EPB41: variants seen among roughly 807,000 people sequenced by gnomAD.
The protein encoded by EPB41 is protein 4.1.
In EPB41, 65 loss-of-function variants were observed where a neutral mutation model predicts 108.0. That is an observed-to-expected ratio of 0.60 (90% confidence interval 0.49 to 0.74). The LOEUF (loss-of-function observed/expected upper bound fraction) is 0.74, where lower values mean the gene tolerates loss of function less well. EPB41 is among the 30% of genes least tolerant of loss of function. The pLI, the probability that EPB41 is intolerant of heterozygous loss-of-function variation, is 0.00. For synonymous variants in EPB41, 336 were observed against 358.9 expected (o/e 0.94, Z 0.72); for missense variants, 875 against 1,037.0 (o/e 0.84, Z 2.15).
intron 11 of EPB41, among the ~76,000 whole-genome samples, chr1:29,046,191 C>A (rs1468244781): frequency 6.6e-6 from 1 of 151,656 alleles, no homozygotes; most frequent in African/African-American, 2.4e-5. Flanking sequence ...GTGGCACTAT[C>A]TCGGCTCACT....
chr1:28,978,762 ACTT>A (rs1467185410), intron 1 of EPB41, among the ~76,000 whole-genome samples: 4 of 151,520 alleles, frequency 2.6e-5, no homozygotes, highest in East Asian at 1.9e-4. Context: ...GCTGGGACAG[ACTT>A]CTTCTGCTGT....
chr1:28,984,562 T>C (rs12021667), intron 1 of EPB41, among the ~76,000 whole-genome samples: 46,439 of 152,110 alleles, frequency 0.31, 8,871 homozygotes, highest in Non-Finnish European at 0.41. Context: ...ATCATGCATT[T>C]GAAGTAAATT....
At chr1:28,915,596 C>T (rs1051455954) in intron 1 of EPB41, among the ~76,000 whole-genome samples, 3 of 152,094 alleles carry the variant, frequency 2.0e-5, no homozygotes, top group African/African-American at 7.2e-5. Context: ...CACATGATAG[C>T]GACTGTCATC....
chr1:29,067,495 C>CAAA (rs71022390), intron 16 of EPB41, among the ~76,000 whole-genome samples: 1 of 25,614 alleles, frequency 3.9e-5, no homozygotes, highest in African/African-American at 1.8e-4. Flanking sequence ...GACTCTGTCT[C>CAAA]AAAAAAAAAA....
intron 1 of EPB41, among the ~76,000 whole-genome samples, chr1:28,983,253 T>A (rs967400927): frequency 6.6e-6 from 1 of 152,248 alleles, no homozygotes; most frequent in African/African-American, 2.4e-5. Context: ...TTTGTTTCAT[T>A]CATTAATTAA....
At chr1:28,989,459 A>C (rs1029763558) in intron 2 of EPB41, 2 of 921,050 alleles carry the variant, frequency 2.2e-6, no homozygotes, top group South Asian at 1.0e-4. Context: ...GAACTCTGAC[A>C]GTGTTGGGGG....
intron 11 of EPB41, among the ~76,000 whole-genome samples, chr1:29,050,429 A>G (rs1439773351): frequency 1.3e-5 from 2 of 152,392 alleles, no homozygotes; most frequent in East Asian, 1.9e-4. Context: ...GATGCCAGGC[A>G]TAGTTGAATT....
chr1:28,900,206 A>T (rs2091129838), intron 1 of EPB41, among the ~76,000 whole-genome samples: 1 of 152,182 alleles, frequency 6.6e-6, no homozygotes, highest in Non-Finnish European at 1.5e-5. Context: ...TTCCACAGAT[A>T]GGCCAGAGAC....
At position 28,903,322 on chromosome 1, in the gene EPB41, C is replaced by CTTTT. The variant is rs1469847584; in HGVS notation, c.-8+16115_-8+16116insTTTT. On this transcript the variant is annotated intron_variant, in intron 1 of 16. Coordinates refer to the EPB41 transcript ENST00000347529. The stretch of plus-strand genomic sequence containing the variant: ...CTGAGACTCTATTTCTTTTTCTTTT[C>CTTTT]TTTCTTTTTTTTTTTTTTTTGAGCT... 1.7e-4 allele frequency among the ~76,000 whole-genome samples: 25 copies of CTTTT among 144,404 alleles called. 1 individual carries two copies. Among genetic ancestry groups the CTTTT allele is most frequent in the African/African-American group, 4.8e-4 (18 of 37,546 alleles). The allele number at this position is 144,404 out of a possible 152,430, so 94.7% of individuals were successfully genotyped here. A position where few individuals can be genotyped will look rare whatever the true frequency, so the allele number is the denominator to read the frequency against.
chr1:29,015,627 GA>G, intron 5 of EPB41, 64 bp from the exon 6 acceptor site: 1 of 916,042 alleles, frequency 1.1e-6, no homozygotes, highest in Non-Finnish European at 1.8e-6. Flanking sequence ...TGAATATTTT[GA>G]GGTACTTCCA....
intron 16 of EPB41, chr1:29,068,793 C>G: frequency 1.6e-6 from 2 of 1,232,100 alleles, no homozygotes; most frequent in Non-Finnish European, 2.0e-6. Flanking sequence ...GGTAAAGCTG[C>G]TGTTATGACT....
chr1:29,010,103 G>A lies in EPB41; in HGVS notation c.787-1762G>A, dbSNP rs573940619. Among the ~76,000 whole-genome samples the A allele has an allele frequency of 7.2e-3, 1,099 of 152,172 alleles. 12 individuals are homozygous for A. Among genetic ancestry groups the A allele is most frequent in the African/African-American group, 0.026 (1,067 of 41,508 alleles). On this transcript the variant is annotated intron_variant, in intron 4 of 20. Coordinates refer to ENST00000343067, the MANE Select transcript of EPB41 (RefSeq NM_001376013.1). ...TGTAATCTCAGCACTTTGGGAGGCC[G>A]AGGTGGGCAGATCACTTGAGGCCAG...
chr1:28,921,895 G>GT (rs1221446955), intron 1 of EPB41, among the ~76,000 whole-genome samples: 1 of 134,670 alleles, frequency 7.4e-6, no homozygotes, highest in Non-Finnish European at 1.5e-5. Flanking sequence ...ATACTTTGTG[G>GT]TTTTTCCAGT....
chr1:28,968,969 A>ACCC (rs1243487289), intron 1 of EPB41, among the ~76,000 whole-genome samples: 1 of 114,378 alleles, frequency 8.7e-6, no homozygotes, highest in Admixed American at 8.7e-5. Context: ...TGCCTCCAAA[A>ACCC]CCCCCCACCC....
chr1:28,934,617 A>G (rs1408958442), intron 1 of EPB41, among the ~76,000 whole-genome samples: 5 of 149,526 alleles, frequency 3.3e-5, no homozygotes, highest in African/African-American at 1.2e-4. Flanking sequence ...AAATTGTTCC[A>G]GCTTTGGCCA....
At chr1:29,047,285 G>C (rs7548960) in intron 11 of EPB41, among the ~76,000 whole-genome samples, 15,008 of 124,994 alleles carry the variant, frequency 0.12, 1,146 homozygotes, top group African/African-American at 0.26. Flanking sequence ...GAGAGTCTTA[G>C]CTCTCTCAGG....
intron 17 of EPB41, among the ~76,000 whole-genome samples, chr1:29,103,340 C>G (rs964155991): frequency 3.9e-5 from 6 of 152,188 alleles, no homozygotes; most frequent in Non-Finnish European, 1.5e-5. Context: ...TTTAAAATAT[C>G]CTGACATATT....
chr1:28,997,348 C>A, intron 4 of EPB41, 29 bp downstream of exon 4: 1 of 1,360,514 alleles, frequency 7.4e-7, no homozygotes, highest in Non-Finnish European at 1.1e-6. Context: ...ATTTAAGAAG[C>A]TGACAAAAAA....
chr1:29,040,075 TC>T (rs1358976986), intron 11 of EPB41, among the ~76,000 whole-genome samples: 3 of 152,006 alleles, frequency 2.0e-5, no homozygotes, highest in African/African-American at 7.2e-5. Flanking sequence ...CTAATATTTT[TC>T]TGCAGTCCTG....
Sources: allele counts gnomAD v4.1 joint callset (sites outside exome capture counted in the v4.1 genomes callset), GRCh38; gene constraint gnomAD v4.1.1; transcripts MANE v1.5; gene names NCBI Gene and HGNC (gene_info 2026-07-23, HGNC 2026-07-21).